The following EPHA3 variants were observed in gnomAD, a reference collection of about 807,000 sequenced individuals.
EPHA3 encodes ephrin type-A receptor 3.
In EPHA3, 42 loss-of-function variants were observed where a neutral mutation model predicts 107.1. That is an observed-to-expected ratio of 0.39 (90% CI 0.31 to 0.51). EPHA3 has a LOEUF of 0.51. Among genes scored for constraint, EPHA3 ranks in the 20% least tolerant of loss-of-function variants. EPHA3 has a pLI of 0.78. For missense variants in EPHA3, 1,183 were observed against 1,211.2 expected (o/e 0.98, Z 0.35); for synonymous variants, 461 against 424.8 (o/e 1.09, Z -1.05).
In EPHA3 at chr3:89,433,671, G is replaced by T. The variant is rs114411819; in HGVS notation, c.2346+2312G>T. 9.7e-3 allele frequency among the ~76,000 whole-genome samples: 1,479 copies of T among 152,022 alleles called. 27 individuals are homozygous for T. Among genetic ancestry groups the T allele is most frequent in the African/African-American group, 0.034 (1,414 of 41,470 alleles). On this transcript the variant is annotated intron_variant, in intron 13 of 16. Transcript: ENST00000336596. ...AAAATGTGTCCTACATAAAAATGTT[G>T]TTCTTAACAAACACAATTCAAATGG... is the stretch of plus-strand genomic sequence containing the variant.
At chr3:89,421,522 A>T (rs1484216306) in intron 11 of EPHA3, among the ~76,000 whole-genome samples, 1 of 151,340 alleles carries the variant, frequency 6.6e-6, no homozygotes, top group Admixed American at 6.6e-5. Flanking sequence ...GAATAGAATC[A>T]TAATCTAACT....
chr3:89,308,543 C>A lies in EPHA3; in HGVS notation c.815-32373C>A, dbSNP rs6801548. 3.4e-3 allele frequency among the ~76,000 whole-genome samples: 517 copies of A among 151,288 alleles called. 2 individuals are homozygous for A. The highest frequency in any genetic ancestry group is 0.021 in the Middle Eastern group (6 of 286). On this transcript the variant is annotated intron_variant, in intron 3 of 16. Transcript: ENST00000336596. The stretch of plus-strand genomic sequence containing the variant: ...GGTTATGCTAAGAATTCTGCTTGCA[C>A]AAGTTAGGTAGAAACAACTAAAAAG...
At chr3:89,372,464 G>GA (rs550340627) in intron 5 of EPHA3, among the ~76,000 whole-genome samples, 3,974 of 144,126 alleles carry the variant, frequency 0.028, 62 homozygotes, top group African/African-American at 0.048. Context: ...CCTTCTAATT[G>GA]AAAAAAAAAA....
At chr3:89,318,603 A>G (rs1241078337) in intron 3 of EPHA3, among the ~76,000 whole-genome samples, 1 of 151,962 alleles carries the variant, frequency 6.6e-6, no homozygotes, top group Non-Finnish European at 1.5e-5. Context: ...AGCTTGATAC[A>G]GAAAGGTTAT....
chr3:89,404,228 G>A (rs1709014169), intron 7 of EPHA3, among the ~76,000 whole-genome samples: 1 of 152,136 alleles, frequency 6.6e-6, no homozygotes, highest in Admixed American at 6.6e-5. Flanking sequence ...ATAAAAATTA[G>A]GCATTCATCA....
At chr3:89,385,354 G>T (rs1708594190) in intron 5 of EPHA3, among the ~76,000 whole-genome samples, 1 of 152,186 alleles carries the variant, frequency 6.6e-6, no homozygotes, top group Non-Finnish European at 1.5e-5. Context: ...TTATGGGACG[G>T]ACCCAGTGGG....
At chr3:89,208,097 G>A (rs1033226495) in intron 2 of EPHA3, among the ~76,000 whole-genome samples, 24 of 152,102 alleles carry the variant, frequency 1.6e-4, no homozygotes, top group African/African-American at 5.6e-4. Context: ...ATTCCAGATG[G>A]GCACAGTGGC....
rs1168250585 is a variant in EPHA3, at chr3:89,480,496, A to G, written c.*994A>G. 2 of 233,260 alleles carry G rather than the reference A, an allele frequency of 8.6e-6. No homozygotes were observed. The highest frequency in any genetic ancestry group is 4.4e-5 in the African/African-American group (2 of 45,322). The allele number at this position is 233,260 out of a possible 1,614,324, so 14.4% of individuals were successfully genotyped here. The stretch of plus-strand genomic sequence containing the variant: ...CCTGCTCTGGTGCTTAGAGACTATC[A>G]ACTCCCTCCTTTAGTGAAGGAGCCG... On this transcript the variant is annotated 3_prime_UTR_variant, in exon 17 of 17. Transcript: ENST00000336596.
At chr3:89,298,958 A>G (rs1377919368) in intron 3 of EPHA3, among the ~76,000 whole-genome samples, 1 of 152,096 alleles carries the variant, frequency 6.6e-6, no homozygotes, top group African/African-American at 2.4e-5. Context: ...GCTGGTATGG[A>G]ATATTTTCAT....
At chr3:89,112,551 T>G (rs1278800875) in intron 1 of EPHA3, among the ~76,000 whole-genome samples, 2 of 152,008 alleles carry the variant, frequency 1.3e-5, no homozygotes, top group African/African-American at 4.8e-5. Context: ...TATATGCAAT[T>G]TTTAAATATC....
chr3:89,459,485 C>G (rs1042126689), intron 15 of EPHA3, among the ~76,000 whole-genome samples: 6 of 122,554 alleles, frequency 4.9e-5, no homozygotes, highest in African/African-American at 2.2e-4. Flanking sequence ...TTCTCTCCTT[C>G]CTTCTCTCCT....
intron 1 of EPHA3, among the ~76,000 whole-genome samples, chr3:89,108,962 G>T (rs549680353): frequency 6.6e-6 from 1 of 152,132 alleles, no homozygotes; most frequent in East Asian, 1.9e-4. Context: ...TCACTCCTTA[G>T]AAAATATATT....
chr3:89,240,395 T>C (rs1327655520), intron 3 of EPHA3, among the ~76,000 whole-genome samples: 1 of 152,120 alleles, frequency 6.6e-6, no homozygotes, highest in African/African-American at 2.4e-5. Flanking sequence ...TATAGTGTTA[T>C]GCACATATTT....
At chr3:89,442,308 T>G in intron 13 of EPHA3, among the ~76,000 whole-genome samples, 1 of 152,162 alleles carries the variant, frequency 6.6e-6, no homozygotes. Flanking sequence ...GTATAGCCTG[T>G]GACAGGGGTA....
chr3:89,126,372 G>C (rs753114580), intron 1 of EPHA3, among the ~76,000 whole-genome samples: 5 of 151,558 alleles, frequency 3.3e-5, no homozygotes, highest in Non-Finnish European at 3.0e-5. Context: ...AAATGCTGTT[G>C]TATATTTTAT....
At chr3:89,340,769 G>C (rs1358256666) in intron 3 of EPHA3, 147 bp from the exon 4 acceptor site, 6 of 702,230 alleles carry the variant, frequency 8.5e-6, no homozygotes, top group Non-Finnish European at 1.1e-5. Flanking sequence ...ACTACAGTAG[G>C]CTCTGTCATT....
At chr3:89,352,462 C>T (rs181767475) in intron 5 of EPHA3, among the ~76,000 whole-genome samples, 3 of 151,344 alleles carry the variant, frequency 2.0e-5, no homozygotes, top group East Asian at 1.9e-4. Context: ...TAGGCTTTCT[C>T]GTTCATGGTT....
intron 5 of EPHA3, among the ~76,000 whole-genome samples, chr3:89,381,307 A>G (rs1347775613): frequency 6.6e-6 from 1 of 152,018 alleles, no homozygotes; most frequent in Admixed American, 6.5e-5. Context: ...TAAGTTAAAC[A>G]TCAAAGAGTG....
At chr3:89,327,917 G>A (rs1707203103) in intron 3 of EPHA3, among the ~76,000 whole-genome samples, 1 of 151,932 alleles carries the variant, frequency 6.6e-6, no homozygotes, top group South Asian at 2.1e-4. Context: ...GGCCAACATG[G>A]TGGAACCCCA....
Sources: gnomAD v4.1 joint callset for allele counts (sites outside exome capture counted in the v4.1 genomes callset) on GRCh38, gnomAD v4.1.1 for gene constraint, MANE v1.5 for transcripts, NCBI Gene and HGNC (gene_info 2026-07-23, HGNC 2026-07-21) for gene names.